Variants in AKNA observed in about 807,000 individuals in gnomAD.
The protein encoded by AKNA is microtubule organization protein AKNA.
AKNA carries 67 observed loss-of-function variants against 138.8 expected under a neutral mutation model. That is an observed-to-expected ratio of 0.48 (90% CI 0.40 to 0.59). AKNA has a LOEUF of 0.59. Ranked by LOEUF, AKNA falls within the 20% of genes least tolerant of loss-of-function variation. AKNA has a pLI of 0.00. For missense variants in AKNA, 1,813 were observed against 1,880.4 expected, an observed-to-expected ratio of 0.96 and a Z score of 0.66; for synonymous variants, 737 against 754.4, an observed-to-expected ratio of 0.98 and a Z score of 0.38.
chr9:114,367,318 A>G (rs1042202896), intron 6 of AKNA, among the ~76,000 whole-genome samples: 4 of 152,022 alleles, frequency 2.6e-5, no homozygotes, highest in East Asian at 1.9e-4. Context: ...TGCATTGCCA[A>G]AAAGGGGGGT....
At chr9:114,345,088 T>C (rs1460400160) in intron 18 of AKNA, 2 of 151,320 alleles carry the variant, frequency 1.3e-5, no homozygotes, top group Admixed American at 6.6e-5. Flanking sequence ...TATATATTTA[T>C]GTATTTTTGA....
In AKNA at chr9:114,359,600, G is replaced by A. The variant is rs765197294; in HGVS notation, c.2486C>T (p.Pro829Leu). The A allele has an allele frequency of 1.2e-6, 2 of 1,614,134 alleles. No homozygotes were observed. The highest frequency in any genetic ancestry group is 3.3e-4 in the Middle Eastern group (2 of 6,062). The change falls in exon 11 of 22, where the codon CCC becomes CTC. Residue 829 changes from proline to leucine, a missense_variant. Coordinates refer to ENST00000374088, the MANE Select transcript of AKNA (RefSeq NM_001317950.2). ...PVQAEKSHGAPLEEATEKMVS... is the reference protein window; with the variant it reads ...PVQAEKSHGALLEEATEKMVS... ...GAAAGGCTCAGTGACTTACTCCAGGGGAGCCCCATGACTTTTCTCAGCCTG... is the reference window on the plus strand; with the variant it reads ...GAAAGGCTCAGTGACTTACTCCAGGAGAGCCCCATGACTTTTCTCAGCCTG...
chr9:114,346,779 G>C lies in AKNA; in HGVS notation c.3404C>G (p.Ser1135Cys). 1.2e-6 allele frequency: 2 copies of C among 1,611,340 alleles called. No homozygotes were observed. Among genetic ancestry groups the C allele is most frequent in the Admixed American group, 1.7e-5 (1 of 59,514 alleles). ...ATWGSHYGSK[S>C]TERLPGEPRG... ...AGGCTCACCAGGCAATCTCTCTGTGGATTTACTAGCAAAAGGAAAGAGAGA... is the reference window on the plus strand; with the variant it reads ...AGGCTCACCAGGCAATCTCTCTGTGCATTTACTAGCAAAAGGAAAGAGAGA... The change falls in exon 17 of 22, where the codon TCC (serine) becomes TGC (cysteine). Residue 1135 changes from serine to cysteine, a missense_variant. Coordinates refer to ENST00000374088, the MANE Select transcript of AKNA (RefSeq NM_001317950.2).
At chr9:114,339,225 A>G (rs1331258150) in intron 21 of AKNA, among the ~76,000 whole-genome samples, 1 of 152,056 alleles carries the variant, frequency 6.6e-6, no homozygotes. Flanking sequence ...AACACTGAAA[A>G]AGTCCCTCTG....
Position 114,381,665 on chromosome 9 carries a change from T to TG in AKNA, c.-113-220_-113-219insC, listed in dbSNP as rs1235429400. ...CTCTCTCTCTCCAGGGTTTTTTTTT[T>TG]TTTTTTTTTTTTTGAGACACAGTCT... On this transcript the variant is annotated intron_variant, in intron 1 of 21. Transcript: ENST00000374088. 1.5e-4 allele frequency among the ~76,000 whole-genome samples: 21 copies of TG among 136,968 alleles called. No homozygotes were observed. The East Asian group carries it at 2.1e-3, about 14-fold the overall frequency. 89.9% of individuals were successfully genotyped at this position (136,968 alleles called of 152,430 possible).
chr9:114,362,528 G>T lies in AKNA; in HGVS notation c.1794C>A (p.Phe598Leu), dbSNP rs755632366. The change falls in exon 8 of 22, where the codon TTC becomes TTA. Residue 598 changes from phenylalanine to leucine, a missense_variant. Transcript: ENST00000374088. ...CCGCGTGGGCAGCCTTCAGCCGCTG[G>T]AAGCCCTGAAACCAGACCAGGCCAG... ...RLMPQDQVKG[F>L]QRLKAAHAAL... The T allele has an allele frequency of 6.2e-7, 1 of 1,612,902 alleles. No homozygotes were observed. The highest frequency in any genetic ancestry group is 8.5e-7 in the Non-Finnish European group (1 of 1,179,756).
chr9:114,331,127 T>G (rs2131730043), downstream of AKNA, among the ~76,000 whole-genome samples: 1 of 152,194 alleles, frequency 6.6e-6, no homozygotes, highest in Admixed American at 6.5e-5. Flanking sequence ...CCAGGCTGGC[T>G]TCAGATCTGC....
chr9:114,357,852 A>G, intron 12 of AKNA, 69 bp downstream of exon 12: 2 of 1,570,660 alleles, frequency 1.3e-6, no homozygotes, highest in Non-Finnish European at 1.7e-6. Flanking sequence ...AAGACCCAGA[A>G]GCAGAAAGTT....
At chr9:114,341,437 G>A in intron 21 of AKNA, 96 bp downstream of exon 21, 2 of 1,439,516 alleles carry the variant, frequency 1.4e-6, no homozygotes, top group Non-Finnish European at 1.9e-6. Context: ...CACAGGAGGA[G>A]TATACTGCAT....
intron 14 of AKNA, among the ~76,000 whole-genome samples, chr9:114,352,025 A>G (rs1831159603): frequency 6.6e-6 from 1 of 152,214 alleles, no homozygotes; most frequent in African/African-American, 2.4e-5. Flanking sequence ...TTGAAATGAT[A>G]AAATTATAGA....
chr9:114,367,658 A>G lies in AKNA; in HGVS notation c.1613T>C (p.Leu538Pro). ...CCACCCCAGGGTGGGCATGCTGGTA[A>G]GCGAGGAGGGGCTCAAGTCTCCTCG... ...SARGDLSPSS[L>P]TSMPTLGWLP... Residue 538 changes from leucine (L) to proline (P), a missense_variant, in exon 6 of 22, where the codon CTT becomes CCT. Physicochemically the swap from Leu to Pro is moderately conservative, Grantham distance 98. Transcript: ENST00000374088. 2 of 1,596,780 alleles carry G rather than the reference A, an allele frequency of 1.3e-6. No homozygotes were observed. Among genetic ancestry groups the G allele is most frequent in the Non-Finnish European group, 1.7e-6 (2 of 1,167,472 alleles).
chr9:114,367,455 C>T, intron 6 of AKNA, 88 bp downstream of exon 6: 4 of 1,474,800 alleles, frequency 2.7e-6, no homozygotes, highest in African/African-American at 2.8e-5. Context: ...AGTGAGACTC[C>T]CAGAGTGCCT....
In AKNA at chr9:114,336,228, T is replaced by C. The variant is rs1349854180; in HGVS notation, c.*826A>G. ...AATAGATTTTTAAATGCCTCAAATA[T>C]ACAAACATCATTGATGCACACACAT... On this transcript the variant is annotated 3_prime_UTR_variant, in exon 22 of 22. Coordinates refer to ENST00000374088, the MANE Select transcript of AKNA (RefSeq NM_001317950.2). 6.5e-6 allele frequency: 1 copy of C among 152,676 alleles called. No individual in the cohort carries two copies. The highest frequency in any genetic ancestry group is 1.5e-5 in the Non-Finnish European group (1 of 68,046). The allele number at this position is 152,676 out of a possible 1,614,324, so 9.5% of individuals were successfully genotyped here.
In AKNA at chr9:114,342,108, C is replaced by G. The variant is rs754371035; in HGVS notation, c.3775G>C (p.Asp1259His). 7 of 1,601,934 alleles carry G rather than the reference C, an allele frequency of 4.4e-6. No homozygotes were observed. The highest frequency in any genetic ancestry group is 2.2e-5 in the East Asian group (1 of 44,798). ...TCAGCGGGAGGCGGTCCCAGTGGGT[C>G]CCCTGTGACAGCACCACCTAGAAGA... ...TQDAGGAVTG[D>H]PLGPPPADTL... The change falls in exon 20 of 22, where the codon GAC becomes CAC. Residue 1259 changes from aspartate to histidine, a missense_variant. Transcript: ENST00000374088.
Position 114,377,482 on chromosome 9 carries a change from C to A in AKNA, c.325G>T (p.Ala109Ser), listed in dbSNP as rs1464366526. Residue 109 changes from alanine to serine, a missense_variant, in exon 3 of 22, where the codon GCC (alanine) becomes TCC (serine). Ala to Ser is a moderately conservative substitution (Grantham distance 99). Coordinates refer to ENST00000374088, the MANE Select transcript of AKNA (RefSeq NM_001317950.2). The stretch of plus-strand genomic sequence containing the variant: ...TGACGGCCCTGCTGGGGGAGCCAGG[C>A]AAGAGGCTCATGGGAACTTGCTGGG... ...DSPASSHEPL[A>S]WLPQQGRQLD... 6.2e-7 allele frequency: 1 copy of A among 1,612,552 alleles called. No individual in the cohort carries two copies. Among genetic ancestry groups the A allele is most frequent in the Non-Finnish European group, 8.5e-7 (1 of 1,179,388 alleles).
upstream of AKNA, among the ~76,000 whole-genome samples, chr9:114,390,778 C>T (rs954960095): frequency 1.3e-5 from 2 of 152,230 alleles, no homozygotes; most frequent in Non-Finnish European, 2.9e-5. Context: ...CTTGCTTTTC[C>T]TGGGACAGAT....
chr9:114,341,613 T>A lies in AKNA; in HGVS notation c.3987A>T (p.Ala1329=). 6.2e-7 allele frequency: 1 copy of A among 1,613,728 alleles called. No homozygotes were observed. Among genetic ancestry groups the A allele is most frequent in the Non-Finnish European group, 8.5e-7 (1 of 1,179,890 alleles). ...PRPPPGLWYL[A]TAPPAPAPPA... ...GAGGGGCTGGTGCTGGGGGCGCTGT[T>A]GCCAGATACCACAGTCCGGGGGGTG... Residue 1329 remains alanine, a synonymous_variant, in exon 21 of 22, where the codon GCA becomes GCT. Transcript: ENST00000374088.
chr9:114,375,925 T>C (rs1321928815), intron 3 of AKNA: 2 of 453,360 alleles, frequency 4.4e-6, no homozygotes, highest in East Asian at 1.4e-4. Flanking sequence ...CAGCAGGGAG[T>C]TCCTGGCCCA....
chr9:114,345,425 G>A (rs886111816), intron 18 of AKNA: 2 of 156,192 alleles, frequency 1.3e-5, no homozygotes, highest in Non-Finnish European at 2.8e-5. Flanking sequence ...GCTACCATGT[G>A]TCATCTCAAG....
Sources: gnomAD v4.1 joint callset for allele counts (sites outside exome capture counted in the v4.1 genomes callset) on GRCh38, gnomAD v4.1.1 for gene constraint, MANE v1.5 for transcripts, NCBI Gene and HGNC (gene_info 2026-07-23, HGNC 2026-07-21) for gene names.